Variants in AGFG1 observed in about 807,000 individuals in gnomAD.
AGFG1 encodes ArfGAP with FG repeats 1.
Under a neutral mutation model 60.6 loss-of-function variants are expected in AGFG1, and 10 were observed. That is an observed-to-expected ratio of 0.16 (90% CI 0.10 to 0.28). The LOEUF is 0.28. AGFG1 is among the 10% of genes least tolerant of loss of function. The pLI is 1.00. For missense variants in AGFG1, 537 were observed against 676.5 expected, an observed-to-expected ratio of 0.79 and a Z score of 2.29; for synonymous variants, 247 against 242.9, an observed-to-expected ratio of 1.02 and a Z score of -0.16.
intron 1 of AGFG1, among the ~76,000 whole-genome samples, chr2:227,473,719 C>T (rs1205278999): frequency 6.6e-6 from 1 of 152,080 alleles, no homozygotes; most frequent in African/African-American, 2.4e-5. Flanking sequence ...AAGATTAATA[C>T]AAAGCACATA....
At chr2:227,535,791 C>G (rs530356697) in intron 8 of AGFG1, among the ~76,000 whole-genome samples, 1 of 152,196 alleles carries the variant, frequency 6.6e-6, no homozygotes, top group African/African-American at 2.4e-5. Context: ...AACATAAAGT[C>G]TGGAAACATA....
rs542236740 is a variant in AGFG1, at chr2:227,560,008, C to T, written c.*5513C>T. 6.6e-6 allele frequency: 1 copy of T among 152,140 alleles called. No individual in the cohort carries two copies. The highest frequency in any genetic ancestry group is 6.5e-5 in the Admixed American group (1 of 15,284). The allele number at this position is 152,140 out of a possible 1,614,324, so 9.4% of individuals were successfully genotyped here. A position where few individuals can be genotyped will look rare whatever the true frequency, so the allele number is the denominator to read the frequency against. ...CCTCTGTGACTTTATTCTCATACCC[C>T]AGAGGCATATAATTTCTTGTATTCT... On this transcript the variant is annotated 3_prime_UTR_variant, in exon 13 of 13. Transcript: ENST00000310078.
At chr2:227,509,142 C>T (rs1691417467) in intron 2 of AGFG1, among the ~76,000 whole-genome samples, 1 of 152,102 alleles carries the variant, frequency 6.6e-6, no homozygotes, top group Non-Finnish European at 1.5e-5. Context: ...ACATTTTAAC[C>T]AAATAATCCA....
At chr2:227,534,300 TC>T (rs1181531659) in intron 7 of AGFG1, among the ~76,000 whole-genome samples, 1 of 152,200 alleles carries the variant, frequency 6.6e-6, no homozygotes, top group African/African-American at 2.4e-5. Flanking sequence ...GGGCCTGTTT[TC>T]CTCCTCTCCA....
At chr2:227,481,793 C>T (rs1367996541) in intron 1 of AGFG1, among the ~76,000 whole-genome samples, 1 of 151,800 alleles carries the variant, frequency 6.6e-6, no homozygotes, top group Non-Finnish European at 1.5e-5. Context: ...TGGGTTAATA[C>T]CTTCTTATTC....
In AGFG1 at chr2:227,560,550, C is replaced by CCCT. The variant is rs1483547540; in HGVS notation, c.*6056_*6058dup. The CCCT allele has an allele frequency of 6.6e-6, 1 of 152,064 alleles. No homozygotes were observed. The highest frequency in any genetic ancestry group is 2.4e-5 in the African/African-American group (1 of 41,432). 9.4% of individuals were successfully genotyped at this position (152,064 alleles called of 1,614,324 possible). On this transcript the variant is annotated 3_prime_UTR_variant, in exon 13 of 13. Transcript: ENST00000310078. ...TTTTGCACCTTAATTTTTTCATTGT[C>CCCT]CCTACTCATGACTCTAAAAAGTGCA...
chr2:227,517,586 A>G (rs1691691568), intron 2 of AGFG1, among the ~76,000 whole-genome samples: 1 of 152,192 alleles, frequency 6.6e-6, no homozygotes, highest in Non-Finnish European at 1.5e-5. Context: ...AAATGTTTTG[A>G]AACAGATTTG....
At chr2:227,534,747 T>G in intron 7 of AGFG1, 98 bp from the exon 8 acceptor site, 1 of 1,283,426 alleles carries the variant, frequency 7.8e-7, no homozygotes, top group Non-Finnish European at 1.1e-6. Flanking sequence ...TAACTCTAAA[T>G]CCATTTTAAG....
At chr2:227,495,648 C>G (rs1049210387) in intron 2 of AGFG1, among the ~76,000 whole-genome samples, 10 of 151,622 alleles carry the variant, frequency 6.6e-5, no homozygotes, top group Non-Finnish European at 1.5e-4. Flanking sequence ...GGATTAACTT[C>G]TGATTATAAA....
chr2:227,509,441 A>T (rs547039954), intron 2 of AGFG1, among the ~76,000 whole-genome samples: 2 of 152,144 alleles, frequency 1.3e-5, no homozygotes, highest in Non-Finnish European at 2.9e-5. Context: ...AAAGGCCATT[A>T]TTAAGATTAC....
chr2:227,480,427 T>G (rs1385656400), intron 1 of AGFG1, among the ~76,000 whole-genome samples: 1 of 151,764 alleles, frequency 6.6e-6, no homozygotes. Flanking sequence ...TGAGATGGAG[T>G]CTCACTCCAT....
At chr2:227,523,993 ATTGT>A in intron 4 of AGFG1, 68 bp downstream of exon 4, 1 of 1,461,132 alleles carries the variant, frequency 6.8e-7, no homozygotes, top group South Asian at 1.3e-5. Context: ...GAATTTGAGA[ATTGT>A]TTAAGACAGC....
intron 5 of AGFG1, among the ~76,000 whole-genome samples, chr2:227,527,258 AAGG>A (rs765981223): frequency 6.6e-6 from 1 of 152,234 alleles, no homozygotes; most frequent in Non-Finnish European, 1.5e-5. Context: ...GATAAGTGGC[AAGG>A]TTCAAGTGAG....
At chr2:227,533,968 A>C (rs907096415) in intron 7 of AGFG1, among the ~76,000 whole-genome samples, 4 of 152,198 alleles carry the variant, frequency 2.6e-5, no homozygotes, top group African/African-American at 9.6e-5. Context: ...CTGATTTGTA[A>C]ACTTTCAGTC....
At chr2:227,512,446 A>G (rs562717607) in intron 2 of AGFG1, among the ~76,000 whole-genome samples, 42 of 152,344 alleles carry the variant, frequency 2.8e-4, no homozygotes, top group African/African-American at 1.0e-3. Context: ...CAGTCAAAGT[A>G]ATGTAGGCTG....
chr2:227,507,258 C>T (rs1410097745), intron 2 of AGFG1, among the ~76,000 whole-genome samples: 1 of 151,992 alleles, frequency 6.6e-6, no homozygotes, highest in Non-Finnish European at 1.5e-5. Context: ...CCAGAAGCTA[C>T]ATAACATAAA....
At chr2:227,550,128 C>A in intron 10 of AGFG1, 1 of 432,518 alleles carries the variant, frequency 2.3e-6, no homozygotes, top group Non-Finnish European at 4.7e-6. Flanking sequence ...CAATTAATAT[C>A]TAGATTTGTG....
intron 2 of AGFG1, among the ~76,000 whole-genome samples, chr2:227,496,533 C>G (rs1374827371): frequency 6.6e-6 from 1 of 152,162 alleles, no homozygotes. Flanking sequence ...CCTGTCCTCC[C>G]CTTGCAGTCT....
At chr2:227,477,804 T>G (rs993824548) in intron 1 of AGFG1, among the ~76,000 whole-genome samples, 1 of 152,042 alleles carries the variant, frequency 6.6e-6, no homozygotes, top group Non-Finnish European at 1.5e-5. Flanking sequence ...GAGATGGGGT[T>G]TCACCATGTT....
Sources: gnomAD v4.1 joint callset for allele counts (sites outside exome capture counted in the v4.1 genomes callset) on GRCh38, gnomAD v4.1.1 for gene constraint, MANE v1.5 for transcripts, NCBI Gene and HGNC (gene_info 2026-07-23, HGNC 2026-07-21) for gene names.